ENTPD6: variants seen among roughly 807,000 people sequenced by gnomAD.
ENTPD6 encodes ectonucleoside triphosphate diphosphohydrolase 6, also known as CD39 antigen-like 2.
ENTPD6 carries 46 observed loss-of-function variants against 61.5 expected under a neutral mutation model. The ratio of observed to expected loss-of-function variants is 0.75; its 90% CI spans 0.59 to 0.96. ENTPD6 has a LOEUF of 0.96. Among genes scored for constraint, ENTPD6 ranks in the 40% least tolerant of loss-of-function variants. The pLI is 0.00. For synonymous variants in ENTPD6, 252 were observed against 255.5 expected, an observed-to-expected ratio of 0.99 and a Z score of 0.13; for missense variants, 612 against 629.0, an observed-to-expected ratio of 0.97 and a Z score of 0.29.
chr20:25,214,855 CT>C lies in ENTPD6; in HGVS notation c.598-9del. 1.4e-6 allele frequency: 2 copies of C among 1,398,576 alleles called. No individual in the cohort carries two copies. Among genetic ancestry groups the C allele is most frequent in the South Asian group, 1.2e-5 (1 of 86,652 alleles). 86.6% of individuals were successfully genotyped at this position (1,398,576 alleles called of 1,614,324 possible). A position where few individuals can be genotyped will look rare whatever the true frequency, so the allele number is the denominator to read the frequency against. Reference sequence around the variant, plus strand: ...TTCTAAAGGATGAAGTAACATCTCTCTTTACATTTAGGTGAAAAAAGTATTT... The same window carrying C: ...TTCTAAAGGATGAAGTAACATCTCTCTTACATTTAGGTGAAAAAAGTATTT... On this transcript the variant is annotated splice_polypyrimidine_tract_variant and intron_variant, in intron 5 of 14. Coordinates refer to ENST00000376652, the MANE Select transcript of ENTPD6 (RefSeq NM_001247.5).
chr20:25,196,475 G>A (rs1201213654), intron 1 of ENTPD6, among the ~76,000 whole-genome samples: 1 of 152,204 alleles, frequency 6.6e-6, no homozygotes, highest in Non-Finnish European at 1.5e-5. Flanking sequence ...GGAAGAGGAA[G>A]GAGAGATGGG....
chr20:25,199,021 T>A (rs1011083678), intron 1 of ENTPD6, among the ~76,000 whole-genome samples: 1 of 152,236 alleles, frequency 6.6e-6, no homozygotes, highest in Non-Finnish European at 1.5e-5. Flanking sequence ...ATCTTCCTCC[T>A]ACTGCCCGTT....
chr20:25,208,899 T>C (rs2091725764), intron 3 of ENTPD6, among the ~76,000 whole-genome samples: 1 of 152,096 alleles, frequency 6.6e-6, no homozygotes, highest in African/African-American at 2.4e-5. Flanking sequence ...TCAGTAAAGT[T>C]GGATTTTTAT....
chr20:25,201,384 A>G (rs1459818973), intron 1 of ENTPD6, among the ~76,000 whole-genome samples: 1 of 152,136 alleles, frequency 6.6e-6, no homozygotes, highest in Non-Finnish European at 1.5e-5. Flanking sequence ...ACTATTATTG[A>G]TAGTTGTCTA....
intron 1 of ENTPD6, among the ~76,000 whole-genome samples, chr20:25,204,162 G>C (rs988891058): frequency 2.6e-5 from 4 of 152,184 alleles, no homozygotes; most frequent in African/African-American, 9.7e-5. Context: ...GGGTTTGGTG[G>C]TGTGATGTGT....
chr20:25,223,030 GGGT>G, intron 12 of ENTPD6, 52 bp downstream of exon 12: 1 of 1,471,166 alleles, frequency 6.8e-7, no homozygotes, highest in Non-Finnish European at 9.3e-7. Flanking sequence ...CAGGGGGCGG[GGGT>G]GGAGGGCGTG....
chr20:25,216,511 T>A, intron 7 of ENTPD6, 137 bp from the exon 8 acceptor site: 1 of 643,936 alleles, frequency 1.6e-6, no homozygotes, highest in East Asian at 2.7e-5. Flanking sequence ...AGTGTACCCT[T>A]AAATGGAGAT....
chr20:25,199,455 C>T (rs925152123), intron 1 of ENTPD6, among the ~76,000 whole-genome samples: 12 of 152,222 alleles, frequency 7.9e-5, no homozygotes, highest in African/African-American at 2.9e-4. Context: ...ATTTCTGTTA[C>T]CTGCCTGGCC....
rs1448980027 is a variant in ENTPD6 at position 25,216,736 on chromosome 20, G to A, written c.798G>A (p.Glu266=). The A allele has an allele frequency of 6.3e-7, 1 of 1,590,624 alleles. No individual in the cohort carries two copies. The change falls in exon 8 of 15, where the codon GAG becomes GAA. Residue 266 remains glutamate (E), a splice_region_variant and synonymous_variant. Coordinates refer to ENST00000376652, the MANE Select transcript of ENTPD6 (RefSeq NM_001247.5). ...STQIAFLPRV[E]GTLQASPPGY... is the part of the protein sequence containing the mutation. ...AGATCGCCTTCCTGCCACGCGTGGA[G>A]GTAACAAGCCCTGCCGACCACAGCG...
At chr20:25,207,433 C>G (rs1297311475) in intron 3 of ENTPD6, 36 bp downstream of exon 3, 2 of 1,498,646 alleles carry the variant, frequency 1.3e-6, no homozygotes, top group African/African-American at 2.8e-5. Context: ...TCGGGATCTC[C>G]TCCCCTGTGC....
Position 25,215,664 on chromosome 20 carries a change from ACT to A in ENTPD6, c.674-7_674-6del, listed in dbSNP as rs765773920. 2.7e-5 allele frequency: 44 copies of A among 1,613,784 alleles called. No homozygotes were observed. In the African/African-American group the frequency reaches 3.6e-4, roughly 13 times the overall value. The stretch of plus-strand genomic sequence containing the variant: ...AAGTGATTAAAATAATGCCTGTGAC[ACT>A]CTCTTGCAGGCGTTTCGGCGTGGAT... On this transcript the variant is annotated splice_polypyrimidine_tract_variant and intron_variant, in intron 6 of 14. Transcript: ENST00000376652.
intron 13 of ENTPD6, 140 bp from the exon 14 acceptor site, chr20:25,225,065 C>T (rs1433383916): frequency 3.7e-6 from 5 of 1,362,220 alleles, no homozygotes; most frequent in South Asian, 2.8e-5. Context: ...GTGCCTTCTG[C>T]GCTCAGCTGC....
rs193301330 is a variant in ENTPD6 at position 25,212,755 on chromosome 20, G to T, written c.454-508G>T. On this transcript the variant is annotated intron_variant, in intron 4 of 14. Coordinates refer to ENST00000376652, the MANE Select transcript of ENTPD6 (RefSeq NM_001247.5). Reference sequence around the variant, plus strand: ...GAGTCTCACTCTGTCACCCAGGCTGGAGTGCAGTGGTGCCATCTCGGCTCA... The same window carrying T: ...GAGTCTCACTCTGTCACCCAGGCTGTAGTGCAGTGGTGCCATCTCGGCTCA... 1.4e-3 allele frequency among the ~76,000 whole-genome samples: 219 copies of T among 152,180 alleles called. 1 individual carries two copies. Among genetic ancestry groups the T allele is most frequent in the African/African-American group, 4.9e-3 (202 of 41,514 alleles).
In ENTPD6 at chr20:25,206,552, C is replaced by T. The variant is rs1219266111; in HGVS notation, c.16C>T (p.Arg6Cys). ...GGCTATGTGAATGAAAAAAGGTATC[C>T]GTTATGAAACTTCCAGAAAAACGAG... MKKGI[R>C]YETSRKTSYI... is the part of the protein sequence containing the mutation. Residue 6 changes from arginine to cysteine, a missense_variant, in exon 2 of 15, where the codon CGT becomes TGT. Transcript: ENST00000376652. The T allele has an allele frequency of 3.1e-6, 5 of 1,613,690 alleles. No homozygotes were observed. Among genetic ancestry groups the T allele is most frequent in the Middle Eastern group, 1.7e-4 (1 of 6,060 alleles).
At chr20:25,215,898 A>C (rs1398195852) in intron 7 of ENTPD6, among the ~76,000 whole-genome samples, 187 bp downstream of exon 7, 1 of 152,180 alleles carries the variant, frequency 6.6e-6, no homozygotes, top group Admixed American at 6.5e-5. Flanking sequence ...ACAGGTGTAG[A>C]TGCTAGGAGT....
At position 25,225,398 on chromosome 20, in the gene ENTPD6, G is replaced by T. The variant is rs370679226; in HGVS notation, c.1356+81G>T. 8 of 1,582,346 alleles carry T rather than the reference G, an allele frequency of 5.1e-6. No individual in the cohort carries two copies. The African/African-American group carries it at 6.7e-5, about 13-fold the overall frequency. ...CCACTTCTCCAGTTGCTGGGGTCAT[G>T]TCCCCCAGCCCATCCCTGGCTTCCA... On this transcript the variant is annotated intron_variant, in intron 14 of 14. Coordinates refer to ENST00000376652, the MANE Select transcript of ENTPD6 (RefSeq NM_001247.5).
At position 25,225,505 on chromosome 20, in the gene ENTPD6, C is replaced by A; in HGVS notation, c.1363C>A (p.Arg455=). The change falls in exon 15 of 15, where the codon CGG becomes AGG. Residue 455 remains arginine (R), a synonymous_variant. Transcript: ENST00000376652. ...CCCTCTCTGTCTTTTCAAGCTCACT[C>A]GGAAAATTGACAATGTTGAGACCAG... The part of the protein sequence containing the change: ...FPRSKVLKLT[R]KIDNVETSWA... 6.2e-7 allele frequency: 1 copy of A among 1,613,676 alleles called. No homozygotes were observed. The highest frequency in any genetic ancestry group is 8.5e-7 in the Non-Finnish European group (1 of 1,179,732).
intron 1 of ENTPD6, among the ~76,000 whole-genome samples, chr20:25,201,919 T>C (rs1008155919): frequency 1.3e-5 from 2 of 152,188 alleles, no homozygotes; most frequent in Non-Finnish European, 2.9e-5. Context: ...TGTCTCCCTA[T>C]GCTGCCCAGG....
intron 3 of ENTPD6, 98 bp from the exon 4 acceptor site, chr20:25,209,751 G>GTTAGT: frequency 9.6e-7 from 1 of 1,036,540 alleles, no homozygotes; most frequent in East Asian, 2.4e-5. Flanking sequence ...ATTGGTCTGT[G>GTTAGT]TTAGTGTCTG....
Sources: gnomAD v4.1 joint callset for allele counts (sites outside exome capture counted in the v4.1 genomes callset) on GRCh38, gnomAD v4.1.1 for gene constraint, MANE v1.5 for transcripts, NCBI Gene and HGNC (gene_info 2026-07-23, HGNC 2026-07-21) for gene names.